HRH2: variants seen among roughly 807,000 people sequenced by gnomAD.
The protein encoded by HRH2 is histamine receptor H2, also known as histamine H2 receptor.
HRH2 carries 4 observed loss-of-function variants against 20.1 expected under a neutral mutation model. That is an observed-to-expected ratio of 0.20 (90% CI 0.10 to 0.45). The LOEUF is 0.45. HRH2 is among the 20% of genes least tolerant of loss of function. The probability of loss-of-function intolerance (pLI) is 0.99; values close to 1 mark genes in which losing one functional copy is unlikely to be tolerated. For missense variants in HRH2, 250 were observed against 461.6 expected (o/e 0.54, Z 4.20); for synonymous variants, 197 against 200.7 (o/e 0.98, Z 0.16).
At chr5:175,658,729 G>A (rs1391636792) in intron 1 of HRH2, among the ~76,000 whole-genome samples, 2 of 146,844 alleles carry the variant, frequency 1.4e-5, no homozygotes, top group African/African-American at 2.6e-5. Context: ...CCGATGACCG[G>A]AGCCACAACA....
chr5:175,673,711 T>TG (rs1384501263), intron 1 of HRH2, among the ~76,000 whole-genome samples: 10 of 148,424 alleles, frequency 6.7e-5, no homozygotes, highest in African/African-American at 2.2e-4. Flanking sequence ...TTTTTTTTGT[T>TG]TTTTTTTTTT....
At chr5:175,669,997 G>A (rs1159891496) in intron 1 of HRH2, among the ~76,000 whole-genome samples, 2 of 152,184 alleles carry the variant, frequency 1.3e-5, no homozygotes, top group Non-Finnish European at 2.9e-5. Context: ...CCCAGGAGCA[G>A]CCCCCTCGGG....
chr5:175,675,339 A>G (rs946455357), intron 1 of HRH2, among the ~76,000 whole-genome samples: 2 of 152,142 alleles, frequency 1.3e-5, no homozygotes, highest in African/African-American at 4.8e-5. Flanking sequence ...TTGAACCTTC[A>G]ATGACTCCTT....
chr5:175,698,786 G>A (rs1756697261), intron 2 of HRH2, among the ~76,000 whole-genome samples: 1 of 152,190 alleles, frequency 6.6e-6, no homozygotes, highest in Non-Finnish European at 1.5e-5. Context: ...AAGGGGTTAA[G>A]GCCTGTGACT....
chr5:175,702,735 T>G (rs1482425542), intron 2 of HRH2, among the ~76,000 whole-genome samples: 1 of 147,986 alleles, frequency 6.8e-6, no homozygotes, highest in Non-Finnish European at 1.5e-5. Context: ...CTTTTTTTTT[T>G]TTTTTTGTAT....
chr5:175,692,581 A>T (rs1465657273), intron 2 of HRH2, among the ~76,000 whole-genome samples: 2 of 152,256 alleles, frequency 1.3e-5, no homozygotes, highest in Non-Finnish European at 2.9e-5. Context: ...GCAAATGCTT[A>T]GTAAGTGGCA....
chr5:175,691,884 GA>G (rs549021495), intron 2 of HRH2, among the ~76,000 whole-genome samples: 23 of 146,832 alleles, frequency 1.6e-4, no homozygotes, highest in South Asian at 4.3e-4. Flanking sequence ...AGAAAAAAGA[GA>G]AAAAAAAAAG....
In HRH2 at chr5:175,709,381, G is replaced by C. The variant is rs1757030649; in HGVS notation, c.*1410G>C. ...CTCCAGTTACAAGGCACGAGGTTTG[G>C]TTATGAAATCACTCACAGATTTATA... On this transcript the variant is annotated 3_prime_UTR_variant, in exon 3 of 3. Coordinates refer to ENST00000636584, the MANE Select transcript of HRH2 (RefSeq NM_001367711.1). 1 of 152,210 alleles carries C rather than the reference G, an allele frequency of 6.6e-6. No individual in the cohort carries two copies. The highest frequency in any genetic ancestry group is 1.5e-5 in the Non-Finnish European group (1 of 68,080). The allele number at this position is 152,210 out of a possible 1,614,324, so 9.4% of individuals were successfully genotyped here.
rs536518390 is a variant in HRH2 at position 175,688,570 on chromosome 5, C to G, written c.1076+4261C>G. Among the ~76,000 whole-genome samples the G allele has an allele frequency of 3.1e-4, 47 of 152,314 alleles. 1 individual carries two copies. Among genetic ancestry groups the G allele is most frequent in the African/African-American group, 1.1e-3 (44 of 41,568 alleles). On this transcript the variant is annotated intron_variant, in intron 2 of 2. Coordinates refer to ENST00000636584, the MANE Select transcript of HRH2 (RefSeq NM_001367711.1). Reference sequence around the variant, plus strand: ...GTTGTCACGGCGTGGCCCCCGCCAGCAGGGGACTCCCAGAAACAGAGGAGC... The same window carrying G: ...GTTGTCACGGCGTGGCCCCCGCCAGGAGGGGACTCCCAGAAACAGAGGAGC...
chr5:175,667,455 C>T (rs1225711749), intron 1 of HRH2, among the ~76,000 whole-genome samples: 1 of 126,252 alleles, frequency 7.9e-6, no homozygotes, highest in Admixed American at 9.1e-5. Flanking sequence ...TCCCCCCACC[C>T]CCCAAAAAAA....
At chr5:175,662,693 G>T (rs1762773452) in intron 1 of HRH2, among the ~76,000 whole-genome samples, 1 of 152,082 alleles carries the variant, frequency 6.6e-6, no homozygotes, top group Non-Finnish European at 1.5e-5. Context: ...TACTATAAAA[G>T]TCACCAATTC....
intron 1 of HRH2, among the ~76,000 whole-genome samples, chr5:175,670,658 C>T (rs778068848): frequency 1.3e-5 from 2 of 152,210 alleles, no homozygotes; most frequent in Non-Finnish European, 2.9e-5. Flanking sequence ...CTGAGAGCAC[C>T]GCCACAGCCA....
chr5:175,700,285 G>C (rs959674902), intron 2 of HRH2, among the ~76,000 whole-genome samples: 13 of 152,246 alleles, frequency 8.5e-5, no homozygotes, highest in African/African-American at 3.1e-4. Context: ...CCGGCTACCG[G>C]AGACAGCCGG....
chr5:175,675,531 T>C (rs1330303494), intron 1 of HRH2, among the ~76,000 whole-genome samples: 1 of 152,190 alleles, frequency 6.6e-6, no homozygotes, highest in East Asian at 1.9e-4. Context: ...ACCAGGACAG[T>C]TGGACTGCAA....
chr5:175,704,127 AAGAG>A (rs1306099555), intron 2 of HRH2: 1 of 152,282 alleles, frequency 6.6e-6, no homozygotes, highest in East Asian at 1.9e-4. Context: ...AGGAGAGAAA[AAGAG>A]AGAAACTCTC....
rs1561733232 is a variant in HRH2, at chr5:175,687,287, CCA to C, written c.1076+2979_1076+2980del. 3.9e-5 allele frequency among the ~76,000 whole-genome samples: 6 copies of C among 152,274 alleles called. No individual in the cohort carries two copies. Among genetic ancestry groups the C allele is most frequent in the African/African-American group, 1.4e-4 (6 of 41,560 alleles). ...GTGTGTCCCTCGATAAGCTCGGCTGCCAGTTTCCCTGCTGGCTGATAGCATGT... is the reference window on the plus strand; with the variant it reads ...GTGTGTCCCTCGATAAGCTCGGCTGCGTTTCCCTGCTGGCTGATAGCATGT... On this transcript the variant is annotated intron_variant, in intron 2 of 2. Transcript: ENST00000636584. The surrounding 1 kb of genome is among the most constrained non-coding windows in gnomAD (Gnocchi z 5.2).
rs554501534 is a variant in HRH2 at position 175,687,825 on chromosome 5, C to T, written c.1076+3516C>T. Among the ~76,000 whole-genome samples, 4 of 152,310 alleles carry T rather than the reference C, an allele frequency of 2.6e-5. No individual in the cohort carries two copies. The highest frequency in any genetic ancestry group is 1.9e-4 in the East Asian group (1 of 5,166). ...GCTCAGGACCCTCCTCTGCCTCCCA[C>T]GGCCGCCTGCACATAGGTAGCCCTG... On this transcript the variant is annotated intron_variant, in intron 2 of 2. Transcript: ENST00000636584. The surrounding 1 kb of genome is among the most constrained non-coding windows in gnomAD (Gnocchi z 5.2).
intron 2 of HRH2, among the ~76,000 whole-genome samples, chr5:175,703,422 C>T (rs755564134): frequency 1.5e-4 from 23 of 152,044 alleles, no homozygotes; most frequent in Admixed American, 3.3e-4. Context: ...GCCACTAAAA[C>T]GCTACTCAAA....
intron 2 of HRH2, among the ~76,000 whole-genome samples, chr5:175,702,573 A>T (rs1313249919): frequency 3.9e-4 from 44 of 113,008 alleles, no homozygotes; most frequent in Non-Finnish European, 5.8e-4. Context: ...TTTTTTTGAG[A>T]CGGAGTCTCA....
Sources: allele counts gnomAD v4.1 joint callset (sites outside exome capture counted in the v4.1 genomes callset), GRCh38; gene constraint gnomAD v4.1.1; non-coding constraint Gnocchi (gnomAD v3.1); transcripts MANE v1.5; gene names NCBI Gene and HGNC (gene_info 2026-07-23, HGNC 2026-07-21).